SHISA6: variants seen among roughly 807,000 people sequenced by gnomAD.
SHISA6 encodes shisa family member 6.
Under a neutral mutation model 47.9 loss-of-function variants are expected in SHISA6, and 22 were observed. The ratio of observed to expected loss-of-function variants is 0.46; its 90% CI spans 0.33 to 0.66. SHISA6 has a LOEUF of 0.66. Ranked by LOEUF, SHISA6 falls within the 30% of genes least tolerant of loss-of-function variation. SHISA6 has a pLI of 0.02. For synonymous variants in SHISA6, 388 were observed against 337.8 expected (o/e 1.15, Z -1.63); for missense variants, 680 against 764.6 (o/e 0.89, Z 1.30).
At chr17:11,352,231 C>T (rs1420149452) in intron 2 of SHISA6, among the ~76,000 whole-genome samples, 1 of 151,734 alleles carries the variant, frequency 6.6e-6, no homozygotes, top group Non-Finnish European at 1.5e-5. Context: ...AAAGGAATCC[C>T]ATGAAGGAGA....
At chr17:11,534,628 G>T (rs2071769773) in intron 3 of SHISA6, among the ~76,000 whole-genome samples, 1 of 152,132 alleles carries the variant, frequency 6.6e-6, no homozygotes, top group African/African-American at 2.4e-5. Flanking sequence ...AGTAAAGAAA[G>T]ATTACCTGCA....
At chr17:11,556,460 A>G (rs2142391159) in intron 5 of SHISA6, among the ~76,000 whole-genome samples, 1 of 152,284 alleles carries the variant, frequency 6.6e-6, no homozygotes, top group Middle Eastern at 3.4e-3. Context: ...TGGGTTAAAG[A>G]TACAAAAATG....
intron 1 of SHISA6, among the ~76,000 whole-genome samples, chr17:11,259,824 G>A (rs1014214792): frequency 2.6e-5 from 4 of 152,220 alleles, no homozygotes; most frequent in African/African-American, 9.6e-5. Context: ...CTGATGATTT[G>A]TAGGAAGTGA....
chr17:11,370,199 A>G (rs1270134271), intron 2 of SHISA6, among the ~76,000 whole-genome samples: 5 of 152,220 alleles, frequency 3.3e-5, no homozygotes, highest in Non-Finnish European at 7.3e-5. Flanking sequence ...CCCTGTGGCA[A>G]ATAGTTAGGA....
chr17:11,378,237 T>G (rs893718996), intron 2 of SHISA6, among the ~76,000 whole-genome samples: 19 of 152,328 alleles, frequency 1.2e-4, no homozygotes, highest in African/African-American at 4.6e-4. Flanking sequence ...TTGGAAAATA[T>G]AGAAAAGCTG....
intron 3 of SHISA6, among the ~76,000 whole-genome samples, chr17:11,522,434 G>GT (rs1184245822): frequency 1.3e-5 from 2 of 152,118 alleles, no homozygotes; most frequent in African/African-American, 4.8e-5. Context: ...TGGGTATTTG[G>GT]TTTTTTAATT....
chr17:11,248,062 C>T (rs554643060), intron 1 of SHISA6, among the ~76,000 whole-genome samples: 7 of 152,246 alleles, frequency 4.6e-5, no homozygotes, highest in South Asian at 4.1e-4. Flanking sequence ...GTGTGAGACA[C>T]GGAGCCTGGC....
intron 2 of SHISA6, among the ~76,000 whole-genome samples, chr17:11,311,102 A>G (rs1473173774): frequency 1.0e-4 from 8 of 77,140 alleles, no homozygotes; most frequent in Non-Finnish European, 1.4e-4. Flanking sequence ...GCGAGACTCC[A>G]TCTCAAAAAA....
At chr17:11,388,355 T>C (rs528944769) in intron 3 of SHISA6, among the ~76,000 whole-genome samples, 1 of 152,200 alleles carries the variant, frequency 6.6e-6, no homozygotes, top group Non-Finnish European at 1.5e-5. Flanking sequence ...CTTTCTTGTG[T>C]GGCTCTATAG....
chr17:11,387,275 A>T (rs205059), intron 3 of SHISA6, among the ~76,000 whole-genome samples: 2,554 of 152,188 alleles, frequency 0.017, 37 homozygotes, highest in Non-Finnish European at 0.025. Flanking sequence ...CAGGCACTCC[A>T]TGGGGTCTAA....
chr17:11,285,759 G>A (rs1909272926), intron 2 of SHISA6, among the ~76,000 whole-genome samples: 1 of 152,104 alleles, frequency 6.6e-6, no homozygotes. Context: ...CTTTGTAGAA[G>A]CTTGTGGCTG....
intron 2 of SHISA6, among the ~76,000 whole-genome samples, chr17:11,345,248 T>C (rs142444870): frequency 5.9e-4 from 90 of 152,260 alleles, no homozygotes; most frequent in African/African-American, 2.0e-3. Context: ...AGTGCTGCAA[T>C]AAACATGAGG....
chr17:11,329,815 T>C (rs1356365386), intron 2 of SHISA6, among the ~76,000 whole-genome samples: 1 of 152,100 alleles, frequency 6.6e-6, no homozygotes, highest in Non-Finnish European at 1.5e-5. Context: ...ATAGGTTATG[T>C]GAAAGAGGGA....
chr17:11,336,988 A>T (rs1240926038), intron 2 of SHISA6, among the ~76,000 whole-genome samples: 2 of 152,164 alleles, frequency 1.3e-5, no homozygotes, highest in African/African-American at 2.4e-5. Context: ...AGGAGAGTGC[A>T]AAGTCAGACA....
At chr17:11,486,871 A>C (rs1192930679) in intron 3 of SHISA6, among the ~76,000 whole-genome samples, 2 of 152,230 alleles carry the variant, frequency 1.3e-5, no homozygotes, top group Non-Finnish European at 2.9e-5. Context: ...CTAAGTTTAC[A>C]CTGGTAAACC....
chr17:11,516,091 T>C (rs1308466605), intron 3 of SHISA6, among the ~76,000 whole-genome samples: 3 of 152,158 alleles, frequency 2.0e-5, no homozygotes, highest in Non-Finnish European at 4.4e-5. Flanking sequence ...GCATGAAAAT[T>C]CTCATAAATC....
At chr17:11,483,873 T>A (rs1916279797) in intron 3 of SHISA6, among the ~76,000 whole-genome samples, 1 of 152,146 alleles carries the variant, frequency 6.6e-6, no homozygotes, top group Non-Finnish European at 1.5e-5. Context: ...GGAGGATCGC[T>A]TGAGTCCAAG....
At chr17:11,446,028 A>C (rs1326730093) in intron 3 of SHISA6, among the ~76,000 whole-genome samples, 1 of 152,084 alleles carries the variant, frequency 6.6e-6, no homozygotes, top group Non-Finnish European at 1.5e-5. Context: ...GGGTTTCACC[A>C]TATTGGTCAG....
At chr17:11,422,497 A>G (rs990689337) in intron 3 of SHISA6, among the ~76,000 whole-genome samples, 2 of 152,178 alleles carry the variant, frequency 1.3e-5, no homozygotes, top group African/African-American at 4.8e-5. Context: ...TATGCCTGTA[A>G]TCCCAACACT....
Sources: allele counts gnomAD v4.1 joint callset (sites outside exome capture counted in the v4.1 genomes callset), GRCh38; gene constraint gnomAD v4.1.1; transcripts MANE v1.5; gene names NCBI Gene and HGNC (gene_info 2026-07-23, HGNC 2026-07-21).